RAP1GAP2: variants seen among roughly 807,000 people sequenced by gnomAD.
RAP1GAP2 encodes the protein rap1 GTPase-activating protein 2.
Under a neutral mutation model 95.0 loss-of-function variants are expected in RAP1GAP2, and 27 were observed. The ratio of observed to expected loss-of-function variants is 0.28; its 90% CI spans 0.21 to 0.39. RAP1GAP2 has a LOEUF of 0.39. RAP1GAP2 is among the 10% of genes least tolerant of loss of function. RAP1GAP2 has a pLI of 1.00. For missense variants in RAP1GAP2, 771 were observed against 970.0 expected (o/e 0.79, Z 2.72); for synonymous variants, 373 against 380.9 (o/e 0.98, Z 0.24).
chr17:2,764,402 C>G (rs112382013), intron 1 of RAP1GAP2, among the ~76,000 whole-genome samples: 1 of 138,378 alleles, frequency 7.2e-6, no homozygotes, highest in Non-Finnish European at 1.5e-5. Context: ...ATTGCCTGGG[C>G]GACGCAGCAA....
At chr17:2,990,282 T>G (rs117794539) in intron 11 of RAP1GAP2, among the ~76,000 whole-genome samples, 15,904 of 152,320 alleles carry the variant, frequency 0.1, 1,102 homozygotes, top group Non-Finnish European at 0.15. Context: ...ATATGGTGAC[T>G]CTATGATTAG....
chr17:2,947,992 C>T (rs2043770278), intron 3 of RAP1GAP2, among the ~76,000 whole-genome samples: 1 of 152,144 alleles, frequency 6.6e-6, no homozygotes, highest in African/African-American at 2.4e-5. Flanking sequence ...TCCTTGTCTT[C>T]TGGTAATGTT....
At chr17:2,848,597 C>T (rs2071688689) in intron 2 of RAP1GAP2, among the ~76,000 whole-genome samples, 2 of 151,986 alleles carry the variant, frequency 1.3e-5, no homozygotes, top group Non-Finnish European at 2.9e-5. Flanking sequence ...TCACTACAAC[C>T]TCCGCCTCTG....
rs1029382227 is a variant in RAP1GAP2, at chr17:2,825,430, C to T, written c.80+24880C>T. Among the ~76,000 whole-genome samples, 1 of 152,036 alleles carries T rather than the reference C, an allele frequency of 6.6e-6. No individual in the cohort carries two copies. Among genetic ancestry groups the T allele is most frequent in the Non-Finnish European group, 1.5e-5 (1 of 68,026 alleles). On this transcript the variant is annotated intron_variant, in intron 2 of 24. Coordinates refer to ENST00000254695, the MANE Select transcript of RAP1GAP2 (RefSeq NM_015085.5). This position sits in a 1 kb window ranked among gnomAD's most constrained non-coding sequence, Gnocchi z 4.1. ...GCTTTGACTGAGCTGTTGACAGCAC[C>T]GAGGCCAGAGGCAGGAGAAATGAAG...
intron 1 of RAP1GAP2, among the ~76,000 whole-genome samples, chr17:2,786,190 C>T (rs889863375): frequency 6.6e-6 from 1 of 152,164 alleles, no homozygotes. Context: ...CGTGAGCCAC[C>T]GCGCCCAGCC....
chr17:2,838,321 T>C (rs555991782), intron 2 of RAP1GAP2, among the ~76,000 whole-genome samples: 42 of 152,132 alleles, frequency 2.8e-4, no homozygotes, highest in African/African-American at 8.9e-4. Context: ...CCCGGCCTTG[T>C]GTTCCTTCTT....
At chr17:2,874,578 AG>A (rs910553015) in intron 2 of RAP1GAP2, among the ~76,000 whole-genome samples, 1 of 152,146 alleles carries the variant, frequency 6.6e-6, no homozygotes, top group Non-Finnish European at 1.5e-5. Context: ...GAGGTGGAAA[AG>A]GGGGAGGGAG....
chr17:2,895,382 C>T (rs562908886), intron 2 of RAP1GAP2, among the ~76,000 whole-genome samples: 3 of 152,326 alleles, frequency 2.0e-5, no homozygotes, highest in South Asian at 2.1e-4. Flanking sequence ...GCCAAGCCTG[C>T]GCCCAAGCCT....
In RAP1GAP2 at chr17:3,008,717, A is replaced by G. The variant is rs1265503650; in HGVS notation, c.1494+572A>G. Among the ~76,000 whole-genome samples the G allele has an allele frequency of 1.8e-4, 27 of 152,244 alleles. No homozygotes were observed. Among genetic ancestry groups the G allele is most frequent in the Admixed American group, 1.8e-3 (27 of 15,282 alleles). On this transcript the variant is annotated intron_variant, in intron 17 of 24. Coordinates refer to ENST00000254695, the MANE Select transcript of RAP1GAP2 (RefSeq NM_015085.5). This position sits in a 1 kb window ranked among gnomAD's most constrained non-coding sequence, Gnocchi z 4.2. ...AAGCAGTGAGCTCCCTGTCCCTGGA[A>G]GTATTCAAGTGGAGCTCGGACGGCC... is the stretch of plus-strand genomic sequence containing the variant.
At chr17:2,953,163 C>A (rs1365854519) in intron 3 of RAP1GAP2, among the ~76,000 whole-genome samples, 1 of 151,786 alleles carries the variant, frequency 6.6e-6, no homozygotes, top group African/African-American at 2.4e-5. Flanking sequence ...TCTTCCAGAT[C>A]ATTTTCTATG....
chr17:2,944,555 A>G (rs981289591), intron 3 of RAP1GAP2, among the ~76,000 whole-genome samples: 1 of 152,174 alleles, frequency 6.6e-6, no homozygotes, highest in Non-Finnish European at 1.5e-5. Context: ...GTAAGTATTG[A>G]TTGGGAAATA....
rs577799015 is a variant in RAP1GAP2, at chr17:2,932,621, G to A, written c.166-25138G>A. Among the ~76,000 whole-genome samples, 3 of 145,156 alleles carry A rather than the reference G, an allele frequency of 2.1e-5. No individual in the cohort carries two copies. In the South Asian group the frequency reaches 6.6e-4, roughly 32 times the overall value. On this transcript the variant is annotated intron_variant, in intron 3 of 24. Coordinates refer to ENST00000254695, the MANE Select transcript of RAP1GAP2 (RefSeq NM_015085.5). Reference sequence around the variant, plus strand: ...AAAAAAAAAGAGGAGCTCGAGACCAGCCTGACCAACATGGTGAAACCCCGT... The same window carrying A: ...AAAAAAAAAGAGGAGCTCGAGACCAACCTGACCAACATGGTGAAACCCCGT...
At position 2,904,595 on chromosome 17, in the gene RAP1GAP2, T is replaced by C. The variant is rs1172814924; in HGVS notation, c.81-689T>C. 4.0e-5 allele frequency among the ~76,000 whole-genome samples: 5 copies of C among 125,598 alleles called. No homozygotes were observed. The highest frequency in any genetic ancestry group is 1.4e-4 in the African/African-American group (5 of 36,366). 82.4% of individuals were successfully genotyped at this position (125,598 alleles called of 152,430 possible). Reference sequence around the variant, plus strand: ...ACGTGCAGAGGGGCTCAAGGGAGAATGAATCCGCGTTTCTCCCCTCCTCTT... The same window carrying C: ...ACGTGCAGAGGGGCTCAAGGGAGAACGAATCCGCGTTTCTCCCCTCCTCTT... On this transcript the variant is annotated intron_variant, in intron 2 of 24. Transcript: ENST00000254695. This position sits in a 1 kb window ranked among gnomAD's most constrained non-coding sequence, Gnocchi z 4.7.
chr17:2,875,657 A>C (rs940833488), intron 2 of RAP1GAP2, among the ~76,000 whole-genome samples: 3 of 152,146 alleles, frequency 2.0e-5, no homozygotes, highest in Admixed American at 1.3e-4. Context: ...TCTCAGATTC[A>C]ACATTGCCTT....
intron 2 of RAP1GAP2, among the ~76,000 whole-genome samples, chr17:2,824,821 A>AGAG (rs2070476787): frequency 6.6e-6 from 1 of 151,058 alleles, no homozygotes; most frequent in Non-Finnish European, 1.5e-5. Flanking sequence ...GCTTGGCCAG[A>AGAG]GAGGAGGAGG....
chr17:2,793,838 C>T (rs932991206), upstream of RAP1GAP2, among the ~76,000 whole-genome samples: 1 of 152,112 alleles, frequency 6.6e-6, no homozygotes, highest in Non-Finnish European at 1.5e-5. Flanking sequence ...TGGTGGCTCC[C>T]GCCTGGAATC....
chr17:2,773,097 C>T (rs555343171), upstream of RAP1GAP2, among the ~76,000 whole-genome samples: 2 of 152,206 alleles, frequency 1.3e-5, no homozygotes, highest in African/African-American at 4.8e-5. Context: ...GAACTCCTCC[C>T]AGAGTGCTGG....
intron 10 of RAP1GAP2, among the ~76,000 whole-genome samples, chr17:2,982,445 C>T (rs544078725): frequency 6.6e-6 from 1 of 152,280 alleles, no homozygotes; most frequent in East Asian, 1.9e-4. Context: ...CTGGAACAAA[C>T]ACTTTCAGTG....
At chr17:3,018,021 C>T (rs566421593) in intron 17 of RAP1GAP2, 40 bp from the exon 18 acceptor site, 2 of 1,548,966 alleles carry the variant, frequency 1.3e-6, no homozygotes, top group Admixed American at 4.0e-5. Context: ...ATCCGGAGAG[C>T]CCGGGTGCTG....
Sources: allele counts gnomAD v4.1 joint callset (sites outside exome capture counted in the v4.1 genomes callset), GRCh38; gene constraint gnomAD v4.1.1; non-coding constraint Gnocchi (gnomAD v3.1); transcripts MANE v1.5; gene names NCBI Gene and HGNC (gene_info 2026-07-23, HGNC 2026-07-21).